The following MTUS2 variants were observed in gnomAD, a reference collection of about 807,000 sequenced individuals.
MTUS2 encodes the protein microtubule-associated tumor suppressor candidate 2.
In MTUS2, 40 loss-of-function variants were observed where a neutral mutation model predicts 114.1. That is an observed-to-expected ratio of 0.35 (90% CI 0.27 to 0.46). The LOEUF (loss-of-function observed/expected upper bound fraction) is 0.46, where lower values mean the gene tolerates loss of function less well. Ranked by LOEUF, MTUS2 falls within the 20% of genes least tolerant of loss-of-function variation. The probability of loss-of-function intolerance (pLI) is 1.00; values close to 1 mark genes in which losing one functional copy is unlikely to be tolerated. For synonymous variants in MTUS2, 688 were observed against 672.0 expected, an observed-to-expected ratio of 1.02 and a Z score of -0.37; for missense variants, 1,679 against 1,705.4, an observed-to-expected ratio of 0.98 and a Z score of 0.27.
chr13:29,103,714 A>G (rs1890529907), intron 5 of MTUS2, among the ~76,000 whole-genome samples: 1 of 152,256 alleles, frequency 6.6e-6, no homozygotes, highest in African/African-American at 2.4e-5. Flanking sequence ...TCACTAGGCA[A>G]TAGGAACTTT....
At chr13:29,387,252 T>C (rs1307850701) in intron 8 of MTUS2, among the ~76,000 whole-genome samples, 2 of 152,172 alleles carry the variant, frequency 1.3e-5, no homozygotes. Context: ...GAAACAGTTC[T>C]AAAGAAGTGA....
chr13:29,231,415 T>G (rs1405018057), intron 5 of MTUS2, among the ~76,000 whole-genome samples: 2 of 152,190 alleles, frequency 1.3e-5, no homozygotes, highest in African/African-American at 4.8e-5. Context: ...TCTCATCACA[T>G]CACAGATAGA....
intron 2 of MTUS2, among the ~76,000 whole-genome samples, chr13:29,023,939 T>C (rs1255222751): frequency 1.3e-5 from 2 of 152,200 alleles, no homozygotes; most frequent in African/African-American, 4.8e-5. Flanking sequence ...ACCAGATCTC[T>C]CCATTGTAAA....
chr13:29,398,678 G>A (rs993342155), intron 8 of MTUS2, among the ~76,000 whole-genome samples: 2 of 152,010 alleles, frequency 1.3e-5, no homozygotes, highest in Admixed American at 1.3e-4. Flanking sequence ...CTAGAGGAAT[G>A]GATTCTCAAA....
intron 8 of MTUS2, among the ~76,000 whole-genome samples, chr13:29,393,265 A>G (rs1873648684): frequency 6.6e-6 from 1 of 152,254 alleles, no homozygotes; most frequent in East Asian, 1.9e-4. Context: ...GAAGTAGCAC[A>G]GTGAGTCCAG....
intron 5 of MTUS2, among the ~76,000 whole-genome samples, chr13:29,230,594 T>A (rs907818287): frequency 6.6e-6 from 1 of 152,234 alleles, no homozygotes; most frequent in South Asian, 2.1e-4. Flanking sequence ...TGGTCTGATA[T>A]AAGCAACTTC....
At chr13:29,322,501 C>T (rs1051137420) in intron 6 of MTUS2, among the ~76,000 whole-genome samples, 3 of 152,146 alleles carry the variant, frequency 2.0e-5, no homozygotes, top group South Asian at 2.1e-4. Context: ...GAGGGGTACA[C>T]GCTTAGACCC....
At chr13:29,010,919 C>G (rs915663898) in intron 2 of MTUS2, among the ~76,000 whole-genome samples, 4 of 152,112 alleles carry the variant, frequency 2.6e-5, no homozygotes, top group African/African-American at 9.6e-5. Context: ...GAGAGCTGCC[C>G]CTGGGAGAGG....
At chr13:29,057,940 G>A (rs950534551) in intron 4 of MTUS2, among the ~76,000 whole-genome samples, 1 of 152,060 alleles carries the variant, frequency 6.6e-6, no homozygotes, top group African/African-American at 2.4e-5. Flanking sequence ...GCCAGCAATG[G>A]TGTTTCCATA....
chr13:28,938,397 T>C (rs2138120407), intron 2 of MTUS2, among the ~76,000 whole-genome samples: 1 of 151,484 alleles, frequency 6.6e-6, no homozygotes, highest in Admixed American at 6.6e-5. Context: ...AAAAAAATAG[T>C]CTTTTTGATT....
At chr13:29,356,482 A>C (rs774011625) in intron 7 of MTUS2, among the ~76,000 whole-genome samples, 1 of 152,224 alleles carries the variant, frequency 6.6e-6, no homozygotes. Context: ...TTCGTTCAAC[A>C]TAAGCTCTCT....
chr13:28,896,732 C>G (rs1200017469), intron 2 of MTUS2, among the ~76,000 whole-genome samples: 2 of 152,154 alleles, frequency 1.3e-5, no homozygotes, highest in Non-Finnish European at 2.9e-5. Flanking sequence ...GAACACAGCC[C>G]TCAGAAATAA....
chr13:28,875,320 G>A (rs1234607524), intron 2 of MTUS2, among the ~76,000 whole-genome samples: 1 of 152,080 alleles, frequency 6.6e-6, no homozygotes, highest in Admixed American at 6.5e-5. Context: ...ACAGTACTTG[G>A]TACATAATGG....
rs78221711 is a variant in MTUS2 at position 28,875,984 on chromosome 13, C to T, written c.-243+36134C>T. 3.5e-3 allele frequency among the ~76,000 whole-genome samples: 538 copies of T among 152,342 alleles called. 5 individuals carry two copies. Among genetic ancestry groups the T allele is most frequent in the African/African-American group, 0.013 (528 of 41,578 alleles). ...AGAAAGGGCCAAATTCCTGCAGCTG[C>T]CTGCACACCATTATTCTGAAATGCT... On this transcript the variant is annotated intron_variant, in intron 2 of 15. Coordinates refer to ENST00000612955, the MANE Select transcript of MTUS2 (RefSeq NM_001033602.4).
At chr13:29,341,919 C>CT (rs2138123471) in intron 7 of MTUS2, among the ~76,000 whole-genome samples, 1 of 151,990 alleles carries the variant, frequency 6.6e-6, no homozygotes, top group East Asian at 1.9e-4. Flanking sequence ...CCTTTCTCCA[C>CT]TTTATGTTTT....
chr13:29,316,760 A>T, intron 6 of MTUS2, among the ~76,000 whole-genome samples: 1 of 152,226 alleles, frequency 6.6e-6, no homozygotes, highest in East Asian at 1.9e-4. Flanking sequence ...CTTCATTTGC[A>T]AACCAGTAAT....
chr13:29,107,363 C>T (rs1388715187), intron 5 of MTUS2, among the ~76,000 whole-genome samples: 2 of 152,082 alleles, frequency 1.3e-5, no homozygotes, highest in Admixed American at 6.5e-5. Context: ...GGGAAGTTAT[C>T]TCCCAATAGA....
At chr13:29,108,097 T>G (rs1019892729) in intron 5 of MTUS2, among the ~76,000 whole-genome samples, 1 of 152,238 alleles carries the variant, frequency 6.6e-6, no homozygotes, top group African/African-American at 2.4e-5. Context: ...TTTCTACGTC[T>G]GACATGCATT....
chr13:29,129,300 G>C (rs945465800), intron 5 of MTUS2, among the ~76,000 whole-genome samples: 9 of 151,552 alleles, frequency 5.9e-5, no homozygotes, highest in African/African-American at 2.2e-4. Context: ...TTCTGTCATT[G>C]GGCCAGAGTC....
Sources: allele counts gnomAD v4.1 joint callset (sites outside exome capture counted in the v4.1 genomes callset), GRCh38; gene constraint gnomAD v4.1.1; transcripts MANE v1.5; gene names NCBI Gene and HGNC (gene_info 2026-07-23, HGNC 2026-07-21).